Variants in SLCO1B1 observed in about 807,000 individuals in gnomAD.
SLCO1B1 encodes the protein OATP-2.
Under a neutral mutation model 70.1 loss-of-function variants are expected in SLCO1B1, and 81 were observed. The observed-to-expected ratio is 1.16, with a 90% CI of 0.97 to 1.39. The LOEUF is 1.39. SLCO1B1 is among the 40% of genes most tolerant of loss of function. The pLI, the probability that SLCO1B1 is intolerant of heterozygous loss-of-function variation, is 0.00. For synonymous variants in SLCO1B1, 283 were observed against 271.5 expected, an observed-to-expected ratio of 1.04 and a Z score of -0.42; for missense variants, 895 against 799.6, an observed-to-expected ratio of 1.12 and a Z score of -1.44.
intron 14 of SLCO1B1, among the ~76,000 whole-genome samples, chr12:21,230,760 A>C (rs1407987341): frequency 6.6e-6 from 1 of 152,088 alleles, no homozygotes; most frequent in Non-Finnish European, 1.5e-5. Flanking sequence ...GATTTGGTAT[A>C]ATTTCTTACT....
Position 21,205,996 on chromosome 12 carries a change from C to G in SLCO1B1, c.1460C>G (p.Ala487Gly). The change falls in exon 11 of 15, where the codon GCA (alanine) becomes GGA (glycine). Residue 487 changes from alanine to glycine, a missense_variant. Coordinates refer to ENST00000256958, the MANE Select transcript of SLCO1B1 (RefSeq NM_006446.5). ...ATAACTTACATCTCACCCTGTCTAGCAGGTTGCAAATCTTCAAGTGGCAAT... is the reference window on the plus strand; with the variant it reads ...ATAACTTACATCTCACCCTGTCTAGGAGGTTGCAAATCTTCAAGTGGCAAT... The part of the protein sequence containing the change: ...NGITYISPCL[A>G]GCKSSSGNKK... 6.2e-7 allele frequency: 1 copy of G among 1,612,106 alleles called. No individual in the cohort carries two copies. The highest frequency in any genetic ancestry group is 8.5e-7 in the Non-Finnish European group (1 of 1,178,602).
At chr12:21,221,287 A>G (rs1199468737) in intron 12 of SLCO1B1, among the ~76,000 whole-genome samples, 1 of 152,170 alleles carries the variant, frequency 6.6e-6, no homozygotes, top group Admixed American at 6.5e-5. Context: ...CTCTTACTGC[A>G]CATAGTATGG....
intron 11 of SLCO1B1, among the ~76,000 whole-genome samples, chr12:21,208,797 T>C (rs995725094): frequency 6.6e-6 from 1 of 152,088 alleles, no homozygotes. Flanking sequence ...ACCTATAATT[T>C]CTTTCATCAG....
Position 21,141,606 on chromosome 12 carries a change from C to T in SLCO1B1, c.32C>T (p.Ala11Val). ...CAAAATCAACATTTGAATAAAACAG[C>T]AGAGGCACAACCTTCAGAGAATAAG... Reference protein sequence around the residue: MDQNQHLNKTAEAQPSENKKT... With the variant: MDQNQHLNKTVEAQPSENKKT... The change falls in exon 2 of 15, where the codon GCA becomes GTA. Residue 11 changes from alanine to valine, a missense_variant. By Grantham distance (64) the Ala-to-Val change is moderately conservative. Coordinates refer to ENST00000256958, the MANE Select transcript of SLCO1B1 (RefSeq NM_006446.5). The T allele has an allele frequency of 6.2e-7, 1 of 1,608,542 alleles. No homozygotes were observed. The highest frequency in any genetic ancestry group is 1.3e-5 in the African/African-American group (1 of 74,814).
intron 2 of SLCO1B1, among the ~76,000 whole-genome samples, chr12:21,156,592 T>C (rs918824235): frequency 1.3e-5 from 2 of 152,014 alleles, no homozygotes; most frequent in Admixed American, 1.3e-4. Context: ...AGAAAAAATA[T>C]CAGAAATTTT....
chr12:21,192,431 A>C (rs1281320643), intron 7 of SLCO1B1, among the ~76,000 whole-genome samples: 4 of 151,796 alleles, frequency 2.6e-5, no homozygotes, highest in Non-Finnish European at 5.9e-5. Flanking sequence ...CATCAATTAA[A>C]TGTCTCTACT....
At position 21,176,691 on chromosome 12, in the gene SLCO1B1, A is replaced by C. The variant is rs1436477373; in HGVS notation, c.360-85A>C. 5 of 1,074,442 alleles carry C rather than the reference A, an allele frequency of 4.7e-6. No homozygotes were observed. In the African/African-American group the frequency reaches 7.8e-5, roughly 17 times the overall value. The allele number at this position is 1,074,442 out of a possible 1,614,324, so 66.6% of individuals were successfully genotyped here. On this transcript the variant is annotated intron_variant, in intron 4 of 14. Coordinates refer to ENST00000256958, the MANE Select transcript of SLCO1B1 (RefSeq NM_006446.5). ...TTTGGGGAAGATAATGGTGCAAATA[A>C]AGGGGAATATTTCTCTGTATTTCTA...
intron 14 of SLCO1B1, among the ~76,000 whole-genome samples, chr12:21,232,010 CA>C (rs914770622): frequency 3.3e-5 from 5 of 151,972 alleles, no homozygotes; most frequent in African/African-American, 1.2e-4. Context: ...GAGGTATTTT[CA>C]AATAGGTGGT....
intron 1 of SLCO1B1, among the ~76,000 whole-genome samples, chr12:21,138,710 A>T (rs1380549994): frequency 1.2e-4 from 19 of 152,184 alleles, no homozygotes; most frequent in Non-Finnish European, 1.5e-5. Context: ...GGGAGATATT[A>T]TCAACAGGTG....
intron 14 of SLCO1B1, among the ~76,000 whole-genome samples, chr12:21,233,552 CAAA>C (rs35924420): frequency 4.3e-4 from 45 of 104,932 alleles, no homozygotes; most frequent in Middle Eastern, 5.0e-3. Flanking sequence ...ACTGAGACCT[CAAA>C]AAAAAAACAA....
chr12:21,201,826 G>A (rs180899540), intron 9 of SLCO1B1, among the ~76,000 whole-genome samples: 1 of 152,236 alleles, frequency 6.6e-6, no homozygotes, highest in Admixed American at 6.5e-5. Context: ...AAATTACACA[G>A]ATCCCCTACC....
chr12:21,134,666 G>C (rs1406684042), intron 1 of SLCO1B1, among the ~76,000 whole-genome samples: 1 of 152,108 alleles, frequency 6.6e-6, no homozygotes, highest in East Asian at 1.9e-4. Flanking sequence ...ATTTCTGTGG[G>C]ATCGGTGGTT....
At chr12:21,167,004 A>G (rs1940694446) in intron 2 of SLCO1B1, among the ~76,000 whole-genome samples, 1 of 152,214 alleles carries the variant, frequency 6.6e-6, no homozygotes, top group African/African-American at 2.4e-5. Flanking sequence ...AAAGACATGA[A>G]ACATTAAAAG....
intron 9 of SLCO1B1, among the ~76,000 whole-genome samples, chr12:21,202,274 C>A (rs1162743548): frequency 6.6e-6 from 1 of 151,964 alleles, no homozygotes; most frequent in African/African-American, 2.4e-5. Context: ...GGGTTAAAAC[C>A]TAGATGACAG....
rs1367054328 is a variant in SLCO1B1 at position 21,219,084 on chromosome 12, T to C, written c.1682+1781T>C. ...GATAGAACTTTATAAGCTTTTAGTA[T>C]GGGTGGGGAATGAAGGAATGAATGT... On this transcript the variant is annotated intron_variant, in intron 12 of 14. Transcript: ENST00000256958. Among the ~76,000 whole-genome samples the C allele has an allele frequency of 5.3e-5, 8 of 152,100 alleles. No individual in the cohort carries two copies. The East Asian group carries it at 1.5e-3, about 29-fold the overall frequency.
chr12:21,151,908 C>G (rs1279605000), intron 2 of SLCO1B1, among the ~76,000 whole-genome samples: 1 of 151,584 alleles, frequency 6.6e-6, no homozygotes, highest in East Asian at 1.9e-4. Flanking sequence ...CTATGGACTT[C>G]CAGGATCTGT....
intron 2 of SLCO1B1, among the ~76,000 whole-genome samples, chr12:21,151,284 T>C (rs779144271): frequency 2.0e-5 from 3 of 152,208 alleles, no homozygotes; most frequent in Non-Finnish European, 2.9e-5. Flanking sequence ...CATTATGACA[T>C]GTGTGACTGT....
intron 11 of SLCO1B1, among the ~76,000 whole-genome samples, chr12:21,206,900 C>T (rs531325910): frequency 6.6e-6 from 1 of 152,010 alleles, no homozygotes; most frequent in East Asian, 1.9e-4. Flanking sequence ...AAACATTCTC[C>T]ATCTACTCTT....
At chr12:21,212,261 G>A (rs1941296252) in intron 11 of SLCO1B1, among the ~76,000 whole-genome samples, 1 of 94,306 alleles carries the variant, frequency 1.1e-5, no homozygotes, top group Non-Finnish European at 2.1e-5. Flanking sequence ...CTGGTATGTC[G>A]TGTCTTTGTT....
Sources: allele counts gnomAD v4.1 joint callset (sites outside exome capture counted in the v4.1 genomes callset), GRCh38; gene constraint gnomAD v4.1.1; transcripts MANE v1.5; gene names NCBI Gene and HGNC (gene_info 2026-07-23, HGNC 2026-07-21).